Variants in NOX3 observed in about 807,000 individuals in gnomAD.
The protein encoded by NOX3 is NADPH oxidase 3.
NOX3 carries 74 observed loss-of-function variants against 76.7 expected under a neutral mutation model. The ratio of observed to expected loss-of-function variants is 0.96; its 90% confidence interval spans 0.80 to 1.17. The LOEUF is 1.17. NOX3 is among the 50% of genes most tolerant of loss of function. NOX3 has a pLI of 0.00. For synonymous variants in NOX3, 263 were observed against 261.1 expected (o/e 1.01, Z -0.07); for missense variants, 695 against 703.3 (o/e 0.99, Z 0.13).
intron 12 of NOX3, among the ~76,000 whole-genome samples, chr6:155,406,027 T>C (rs910209884): frequency 6.6e-6 from 1 of 152,254 alleles, no homozygotes; most frequent in Non-Finnish European, 1.5e-5. Flanking sequence ...CCAGGAATGA[T>C]GTCTCCTGCC....
At chr6:155,436,615 G>T (rs1345374843) in intron 6 of NOX3, 68 bp from the exon 7 acceptor site, 1 of 1,561,976 alleles carries the variant, frequency 6.4e-7, no homozygotes, top group Non-Finnish European at 8.8e-7. Context: ...GAGCAGTCTT[G>T]TTCTCCCACA....
intron 5 of NOX3, among the ~76,000 whole-genome samples, chr6:155,441,898 CCCACTCAT>C (rs1255923250): frequency 1.3e-5 from 2 of 152,116 alleles, no homozygotes; most frequent in Non-Finnish European, 2.9e-5. Flanking sequence ...CAAAGGCATC[CCCACTCAT>C]AAGGGCAGCT....
Position 155,422,924 on chromosome 6 carries a change from C to T in NOX3, c.1146-68G>A, listed in dbSNP as rs995620455. On this transcript the variant is annotated intron_variant, in intron 9 of 13. Coordinates refer to ENST00000159060, the MANE Select transcript of NOX3 (RefSeq NM_015718.3). ...CCTTGCTCGTGAACCCAGAACCATC[C>T]GGAGCTGGTGCTTTTTACAGGACGT... is the stretch of plus-strand genomic sequence containing the variant. 27 of 1,517,142 alleles carry T rather than the reference C, an allele frequency of 1.8e-5. No individual in the cohort carries two copies. The African/African-American group carries it at 2.7e-4, about 15-fold the overall frequency. 94.0% of individuals were successfully genotyped at this position (1,517,142 alleles called of 1,614,324 possible).
intron 10 of NOX3, among the ~76,000 whole-genome samples, chr6:155,412,750 T>C (rs1776571024): frequency 6.6e-6 from 1 of 152,154 alleles, no homozygotes; most frequent in African/African-American, 2.4e-5. Context: ...GGGGCTCACG[T>C]TCATCCATCC....
intron 11 of NOX3, among the ~76,000 whole-genome samples, chr6:155,411,010 TAG>T (rs1430082245): frequency 6.6e-6 from 1 of 152,248 alleles, no homozygotes; most frequent in Non-Finnish European, 1.5e-5. Context: ...AAGTTAACTG[TAG>T]CTTCTTTTTT....
chr6:155,404,180 C>T (rs926865452), intron 12 of NOX3, among the ~76,000 whole-genome samples: 2 of 151,584 alleles, frequency 1.3e-5, no homozygotes, highest in African/African-American at 4.9e-5. Flanking sequence ...TGAGTTTTCT[C>T]ATATAAGCTT....
At chr6:155,404,500 C>A (rs1340518655) in intron 12 of NOX3, among the ~76,000 whole-genome samples, 3 of 152,126 alleles carry the variant, frequency 2.0e-5, no homozygotes, top group Non-Finnish European at 4.4e-5. Context: ...GAAGTGACAC[C>A]TGGAAAAGTC....
chr6:155,454,717 C>T (rs1777188434), intron 3 of NOX3, 94 bp downstream of exon 3: 1 of 736,932 alleles, frequency 1.4e-6, no homozygotes, highest in African/African-American at 1.8e-5. Flanking sequence ...AACAGAATTA[C>T]TGAGAATTTC....
intron 5 of NOX3, among the ~76,000 whole-genome samples, chr6:155,441,382 A>G (rs1013733872): frequency 6.6e-6 from 1 of 152,244 alleles, no homozygotes. Context: ...TTTCTTCTCA[A>G]GTACCTTCAG....
intron 10 of NOX3, among the ~76,000 whole-genome samples, chr6:155,421,509 T>A (rs1222955846): frequency 4.6e-5 from 7 of 152,198 alleles, no homozygotes; most frequent in Admixed American, 4.6e-4. Flanking sequence ...GGAAAGGTTC[T>A]GTAGCTAAAT....
intron 7 of NOX3, among the ~76,000 whole-genome samples, chr6:155,432,123 T>A (rs1215990420): frequency 1.3e-5 from 2 of 152,154 alleles, no homozygotes; most frequent in African/African-American, 4.8e-5. Flanking sequence ...TACATAGTGA[T>A]GTTTTGATAC....
Position 155,407,173 on chromosome 6 carries a change from T to G in NOX3, c.1537A>C (p.Asn513His), listed in dbSNP as rs758059021. ...ATCTGCTTGAACTCATTGTTCCAGT[T>G]GGGCCTCCCATAGAAGGTCTTCTGC... Reference protein sequence around the residue: ...LKQKTFYGRPNWNNEFKQIAY... With the variant: ...LKQKTFYGRPHWNNEFKQIAY... The change falls in exon 12 of 14, where the codon AAC (asparagine) becomes CAC (histidine). Residue 513 changes from asparagine to histidine, a missense_variant. By Grantham distance (68) the Asn-to-His change is moderately conservative. Transcript: ENST00000159060. The G allele has an allele frequency of 1.3e-4, 203 of 1,614,024 alleles. No homozygotes were observed. Among genetic ancestry groups the G allele is most frequent in the Non-Finnish European group, 1.6e-4 (192 of 1,180,004 alleles).
Position 155,454,803 on chromosome 6 carries a change from G to A in NOX3, c.255+8C>T, listed in dbSNP as rs1321324266. On this transcript the variant is annotated splice_region_variant and intron_variant, in intron 3 of 13. Transcript: ENST00000159060. Reference sequence around the variant, plus strand: ...AGTTGAGATTATTTCAGATATTTTAGTACTTACAATACTTGTTCCTCTTAT... The same window carrying A: ...AGTTGAGATTATTTCAGATATTTTAATACTTACAATACTTGTTCCTCTTAT... 2 of 1,445,416 alleles carry A rather than the reference G, an allele frequency of 1.4e-6. No individual in the cohort carries two copies. Among genetic ancestry groups the A allele is most frequent in the African/African-American group, 2.9e-5 (2 of 69,846 alleles). 89.5% of individuals were successfully genotyped at this position (1,445,416 alleles called of 1,614,324 possible).
chr6:155,419,598 A>G (rs1170182150), intron 10 of NOX3, among the ~76,000 whole-genome samples: 7 of 152,182 alleles, frequency 4.6e-5, no homozygotes, highest in East Asian at 3.9e-4. Flanking sequence ...CGATGAAAAC[A>G]TTGCTTTTAT....
intron 4 of NOX3, among the ~76,000 whole-genome samples, chr6:155,446,724 C>T (rs560869236): frequency 2.0e-5 from 3 of 152,124 alleles, no homozygotes; most frequent in African/African-American, 7.2e-5. Context: ...AATCTAGAGT[C>T]CAACCGTTTC....
intron 11 of NOX3, among the ~76,000 whole-genome samples, chr6:155,408,495 A>T (rs575977207): frequency 3.9e-5 from 6 of 152,086 alleles, no homozygotes; most frequent in East Asian, 1.9e-4. Context: ...CCAGGTTCCC[A>T]CTGTAAGCCT....
intron 10 of NOX3, among the ~76,000 whole-genome samples, chr6:155,414,879 C>T (rs942669969): frequency 3.9e-5 from 6 of 152,114 alleles, no homozygotes; most frequent in African/African-American, 9.7e-5. Context: ...CCACCCACCT[C>T]GGCCTCCCAA....
chr6:155,439,121 A>T (rs574241678), intron 6 of NOX3, among the ~76,000 whole-genome samples: 1 of 152,342 alleles, frequency 6.6e-6, no homozygotes, highest in South Asian at 2.1e-4. Flanking sequence ...TGGGGACAGC[A>T]GCACCTTCTC....
intron 9 of NOX3, among the ~76,000 whole-genome samples, chr6:155,427,028 T>TGTGTGTGCGC (rs796489805): frequency 1.6e-5 from 2 of 121,792 alleles, no homozygotes; most frequent in African/African-American, 6.6e-5. Context: ...TGTGTGTGTG[T>TGTGTGTGCGC]GCTGGGGGGG....
Sources: gnomAD v4.1 joint callset for allele counts (sites outside exome capture counted in the v4.1 genomes callset) on GRCh38, gnomAD v4.1.1 for gene constraint, MANE v1.5 for transcripts, NCBI Gene and HGNC (gene_info 2026-07-23, HGNC 2026-07-21) for gene names.